The following AUTS2 variants were observed in gnomAD, a reference collection of about 807,000 sequenced individuals.
The protein encoded by AUTS2 is autism susceptibility gene 2 protein.
A neutral mutation model predicts 112.4 loss-of-function variants in AUTS2; 17 were observed. The observed-to-expected ratio is 0.15, with a 90% CI of 0.10 to 0.23. The LOEUF (loss-of-function observed/expected upper bound fraction) is 0.23. Among genes scored for constraint, AUTS2 ranks in the 10% least tolerant of loss-of-function variants. The pLI is 1.00. For synonymous variants in AUTS2, 751 were observed against 702.7 expected (o/e 1.07, Z -1.09); for missense variants, 1,510 against 1,701.6 (o/e 0.89, Z 1.98).
At chr7:69,701,189 A>C (rs1797787742) in intron 1 of AUTS2, among the ~76,000 whole-genome samples, 1 of 152,222 alleles carries the variant, frequency 6.6e-6, no homozygotes, top group Non-Finnish European at 1.5e-5. Flanking sequence ...TGAGACATGT[A>C]AAGTGCTTGG....
At chr7:69,877,338 T>C (rs1793846980) in intron 1 of AUTS2, among the ~76,000 whole-genome samples, 1 of 152,200 alleles carries the variant, frequency 6.6e-6, no homozygotes, top group Non-Finnish European at 1.5e-5. Flanking sequence ...TGAACCCCAG[T>C]TGGACAAATC....
intron 4 of AUTS2, among the ~76,000 whole-genome samples, chr7:70,152,583 C>G (rs1377650793): frequency 2.0e-5 from 3 of 152,032 alleles, no homozygotes; most frequent in East Asian, 1.9e-4. Flanking sequence ...GCTAGGAGAA[C>G]AGTTTTGCAA....
intron 4 of AUTS2, among the ~76,000 whole-genome samples, chr7:70,388,285 A>G (rs1443116590): frequency 1.3e-5 from 2 of 152,020 alleles, no homozygotes; most frequent in Non-Finnish European, 2.9e-5. Flanking sequence ...TTTGTCTTGT[A>G]TTTCCATTAT....
intron 6 of AUTS2, among the ~76,000 whole-genome samples, chr7:70,714,452 CACTA>C (rs1242423828): frequency 5.3e-5 from 8 of 152,244 alleles, no homozygotes; most frequent in Admixed American, 4.6e-4. Context: ...GTTGTTATCA[CACTA>C]ACTAAATATG....
At chr7:70,675,764 T>TCACAGAAC (rs1487967072) in intron 5 of AUTS2, among the ~76,000 whole-genome samples, 3 of 152,208 alleles carry the variant, frequency 2.0e-5, no homozygotes, top group African/African-American at 7.2e-5. Context: ...CATGGGCTTC[T>TCACAGAAC]CACAGAACGG....
At chr7:69,652,309 A>G (rs1012546270) in intron 1 of AUTS2, among the ~76,000 whole-genome samples, 3 of 151,930 alleles carry the variant, frequency 2.0e-5, no homozygotes, top group African/African-American at 4.8e-5. Context: ...AGGCCATTCC[A>G]TGTAGCAAAA....
At chr7:70,062,512 C>CA (rs35625069) in intron 2 of AUTS2, among the ~76,000 whole-genome samples, 38,939 of 121,552 alleles carry the variant, frequency 0.32, 5,363 homozygotes, top group Middle Eastern at 0.4. Flanking sequence ...GACTCCGTCT[C>CA]AAAAAAAAAA....
intron 5 of AUTS2, among the ~76,000 whole-genome samples, chr7:70,453,157 G>C (rs1187814573): frequency 3.3e-5 from 5 of 152,198 alleles, no homozygotes; most frequent in Admixed American, 2.0e-4. Context: ...AGGGCACCAT[G>C]GGTCCCCTGC....
rs1585143161 is a variant in AUTS2 at position 70,436,903 on chromosome 7, G to A, written c.690+1122G>A. ...AGCAGGTCAAGCATATTCAGATGAA[G>A]ACAAATGGTGCTTATTTGATTTCCT... On this transcript the variant is annotated intron_variant, in intron 5 of 18. Coordinates refer to ENST00000342771, the MANE Select transcript of AUTS2 (RefSeq NM_015570.4). The A allele has an allele frequency of 2.0e-5, 3 of 152,310 alleles. No individual in the cohort carries two copies. The East Asian group carries it at 5.8e-4, about 29-fold the overall frequency. 9.4% of individuals were successfully genotyped at this position (152,310 alleles called of 1,614,324 possible).
intron 5 of AUTS2, chr7:70,437,306 G>A (rs1487754463): frequency 6.6e-6 from 1 of 152,192 alleles, no homozygotes; most frequent in Non-Finnish European, 1.5e-5. Context: ...TGTGTAGTGG[G>A]TGCCAGGGAC....
chr7:69,665,253 T>G (rs758073944), intron 1 of AUTS2, among the ~76,000 whole-genome samples: 4 of 152,268 alleles, frequency 2.6e-5, no homozygotes, highest in Non-Finnish European at 4.4e-5. Context: ...TGGATTTGGG[T>G]CATGGTGCTG....
intron 4 of AUTS2, among the ~76,000 whole-genome samples, chr7:70,298,022 T>C (rs1231106836): frequency 6.6e-6 from 1 of 151,942 alleles, no homozygotes; most frequent in Admixed American, 6.6e-5. Context: ...TTTTTGGTTT[T>C]TTTTGGGTTT....
chr7:70,560,793 C>T (rs1388221820), intron 5 of AUTS2, among the ~76,000 whole-genome samples: 3 of 151,914 alleles, frequency 2.0e-5, no homozygotes, highest in Non-Finnish European at 4.4e-5. Context: ...TAATTTTGTC[C>T]TCTGATTGAG....
chr7:69,599,484 C>T lies in AUTS2; in HGVS notation c.-170C>T. 1.9e-6 allele frequency: 1 copy of T among 528,126 alleles called. No homozygotes were observed. Among genetic ancestry groups the T allele is most frequent in the Non-Finnish European group, 2.8e-6 (1 of 352,644 alleles). 32.7% of individuals were successfully genotyped at this position (528,126 alleles called of 1,614,324 possible). On this transcript the variant is annotated 5_prime_UTR_variant, in exon 1 of 19. Transcript: ENST00000342771. This position sits in a 1 kb window ranked among gnomAD's most constrained non-coding sequence, Gnocchi z 7.0. The stretch of plus-strand genomic sequence containing the variant: ...CCGCCCCTTCCCCCTTTTCTTTCTC[C>T]TCTCTTTCTTCCCCTCTCTCCCTTC...
intron 5 of AUTS2, among the ~76,000 whole-genome samples, chr7:70,678,051 C>T (rs1417211723): frequency 1.3e-5 from 2 of 152,058 alleles, no homozygotes; most frequent in African/African-American, 4.8e-5. Context: ...CACTGCACTC[C>T]AGCCTGGGCG....
chr7:69,780,041 G>C (rs1004082860), intron 1 of AUTS2, among the ~76,000 whole-genome samples: 1 of 151,934 alleles, frequency 6.6e-6, no homozygotes, highest in African/African-American at 2.4e-5. Context: ...ATCTTTTCTA[G>C]AGATGGGGGT....
chr7:70,063,074 C>T (rs1802326355), intron 2 of AUTS2, among the ~76,000 whole-genome samples: 1 of 152,026 alleles, frequency 6.6e-6, no homozygotes, highest in Admixed American at 6.6e-5. Context: ...GTAGGGCAAC[C>T]TGTCCCCAAC....
chr7:70,362,153 GA>G (rs1237119519), intron 4 of AUTS2, among the ~76,000 whole-genome samples: 1 of 152,190 alleles, frequency 6.6e-6, no homozygotes, highest in African/African-American at 2.4e-5. Flanking sequence ...CCATCAGCAG[GA>G]ATGGTTCCTT....
At chr7:69,955,841 A>G (rs908533550) in intron 2 of AUTS2, among the ~76,000 whole-genome samples, 4 of 152,142 alleles carry the variant, frequency 2.6e-5, no homozygotes, top group Non-Finnish European at 4.4e-5. Flanking sequence ...TGCATCTGCC[A>G]TACAGTGTCA....
Sources: gnomAD v4.1 joint callset for allele counts (sites outside exome capture counted in the v4.1 genomes callset) on GRCh38, gnomAD v4.1.1 for gene constraint, Gnocchi (gnomAD v3.1) non-coding constraint, MANE v1.5 for transcripts, NCBI Gene and HGNC (gene_info 2026-07-23, HGNC 2026-07-21) for gene names.